Variants in DLG3 observed in about 807,000 individuals in gnomAD.
The protein encoded by DLG3 is discs large MAGUK scaffold protein 3, also known as disks large homolog 3.
DLG3 carries 1 observed loss-of-function variant against 64.1 expected under a neutral mutation model. The observed-to-expected ratio is 0.02, with a 90% CI of 0.01 to 0.07. The LOEUF (loss-of-function observed/expected upper bound fraction) is 0.07. Among genes scored for constraint, DLG3 ranks in the 10% least tolerant of loss-of-function variants. The pLI is 1.00. For missense variants in DLG3, 429 were observed against 669.5 expected (o/e 0.64, Z 3.96); for synonymous variants, 245 against 259.8 (o/e 0.94, Z 0.55).
intron 1 of DLG3, 163 bp from the exon 2 acceptor site, chrX:70,448,750 G>C (rs189712396): frequency 1.0e-6 from 1 of 955,041 alleles, no homozygotes; most frequent in African/African-American, 2.0e-5. Context: ...AGTGAGGAGC[G>C]GCCTCTTCCA....
At chrX:70,453,006 C>G (rs888128528) in intron 7 of DLG3, 1 of 307,009 alleles carries the variant, frequency 3.3e-6, no homozygotes, top group Non-Finnish European at 5.6e-6. Context: ...CTTGTCTGCT[C>G]TCTTCAGTTT....
chrX:70,459,680 T>C (rs759171153), intron 9 of DLG3, among the ~76,000 whole-genome samples: 2 of 112,348 alleles, frequency 1.8e-5, no homozygotes, highest in Non-Finnish European at 1.9e-5. Flanking sequence ...GTTTGTTGAA[T>C]TATTATCTCT....
Position 70,451,925 on chromosome X carries a change from G to A in DLG3, c.1044G>A (p.Gly348=). 1 of 1,211,248 alleles carries A rather than the reference G, an allele frequency of 8.3e-7. No individual in the cohort carries two copies. The highest frequency in any genetic ancestry group is 1.1e-6 in the Non-Finnish European group (1 of 895,317). Residue 348 remains glycine (G), a synonymous_variant, in exon 7 of 19, where the codon GGG becomes GGA. Transcript: ENST00000374360. ...ATAATTCCAGCCTGGGTTATCTCGG[G>A]GCTGTGGAGAGCAAGGTCAGCTACC... is the stretch of plus-strand genomic sequence containing the variant. ...ISHNSSLGYL[G]AVESKVSYPA... is the part of the protein sequence containing the mutation.
chrX:70,456,197 TG>T (rs1220807849), intron 9 of DLG3: 2 of 112,754 alleles, frequency 1.8e-5, no homozygotes, highest in Admixed American at 9.4e-5. Flanking sequence ...TTAGGGATAT[TG>T]TTTTTTTATG....
At chrX:70,455,646 C>T (rs2086693631) in intron 9 of DLG3, 1 of 111,482 alleles carries the variant, frequency 9.0e-6, no homozygotes, top group Admixed American at 9.5e-5. Context: ...TTCCCCTCCC[C>T]CGACACCCAT....
chrX:70,499,137 G>A (rs1299044626), intron 14 of DLG3, 39 bp from the exon 15 acceptor site: 1 of 1,032,926 alleles, frequency 9.7e-7, no homozygotes, highest in Non-Finnish European at 1.4e-6. Flanking sequence ...CTGTCTGGTG[G>A]GGGCCTCTGT....
chrX:70,492,260 C>G lies in DLG3; in HGVS notation c.1674C>G (p.Ile558Met), dbSNP rs759488099. ...LVTPHGESEQ[I>M]GVIPSKKRVE... ...CCCCACACGGAGAAAGTGAGCAGAT[C>G]GGTGTGATCCCCAGTAAGAAGAGGT... is the stretch of plus-strand genomic sequence containing the variant. The change falls in exon 11 of 19, where the codon ATC becomes ATG. Residue 558 changes from isoleucine (I) to methionine (M), a missense_variant. Around this residue, in one of 9 missense-constraint regions of DLG3, gnomAD observed 25 missense variants for 83.7 expected, o/e 0.30. Coordinates refer to ENST00000374360, the MANE Select transcript of DLG3 (RefSeq NM_021120.4). 3 of 1,211,410 alleles carry G rather than the reference C, an allele frequency of 2.5e-6. No individual in the cohort carries two copies. The highest frequency in any genetic ancestry group is 1.7e-5 in the African/African-American group (1 of 57,785).
chrX:70,478,766 GTC>G (rs1243424691), intron 9 of DLG3, among the ~76,000 whole-genome samples: 1 of 111,765 alleles, frequency 8.9e-6, no homozygotes, highest in African/African-American at 3.3e-5. Context: ...TTTTGGGAAA[GTC>G]TCCTTTCCCA....
At chrX:70,475,826 G>T (rs1387886715) in intron 9 of DLG3, among the ~76,000 whole-genome samples, 1 of 111,901 alleles carries the variant, frequency 8.9e-6, no homozygotes, top group East Asian at 2.8e-4. Context: ...TAAGACTGTG[G>T]CATCTTTAGG....
chrX:70,485,395 A>G (rs2087236540), intron 10 of DLG3, among the ~76,000 whole-genome samples: 1 of 112,199 alleles, frequency 8.9e-6, no homozygotes, highest in South Asian at 3.7e-4. Flanking sequence ...CAAATACAGT[A>G]TGGATTTAGA....
chrX:70,468,551 T>A (rs2086921279), intron 9 of DLG3, among the ~76,000 whole-genome samples: 1 of 111,619 alleles, frequency 9.0e-6, no homozygotes, highest in African/African-American at 3.3e-5. Context: ...TGGCTATGTG[T>A]GTGTATGGCC....
chrX:70,493,347 T>C lies in DLG3; in HGVS notation c.1773+751T>C, dbSNP rs768076240. 5 of 1,140,800 alleles carry C rather than the reference T, an allele frequency of 4.4e-6. No homozygotes were observed. In the Admixed American group the frequency reaches 6.6e-5, roughly 15 times the overall value. The allele number at this position is 1,140,800 out of a possible 1,213,427, so 94.0% of individuals were successfully genotyped here. On this transcript the variant is annotated intron_variant, in intron 12 of 18. Transcript: ENST00000374360. Reference sequence around the variant, plus strand: ...TTCTGTTTTTTTTTTTCTTCTGTCCTTCCCCTCCATCTTCATGTTCTTTCA... The same window carrying C: ...TTCTGTTTTTTTTTTTCTTCTGTCCCTCCCCTCCATCTTCATGTTCTTTCA...
Position 70,450,256 on chromosome X carries a change from G to T in DLG3, c.791G>T (p.Gly264Val), listed in dbSNP as rs2086604489. ...SIYITKIIEG[G>V]AAQKDGRLQI... is the part of the protein sequence containing the mutation. Reference sequence around the variant, plus strand: ...TACATCACCAAGATCATTGAGGGGGGTGCTGCTCAGAAGGATGGACGCCTA... The same window carrying T: ...TACATCACCAAGATCATTGAGGGGGTTGCTGCTCAGAAGGATGGACGCCTA... The change falls in exon 5 of 19, where the codon GGT (glycine) becomes GTT (valine). Residue 264 changes from glycine to valine, a missense_variant. Coordinates refer to ENST00000374360, the MANE Select transcript of DLG3 (RefSeq NM_021120.4). 2 of 1,202,463 alleles carry T rather than the reference G, an allele frequency of 1.7e-6. No individual in the cohort carries two copies. The highest frequency in any genetic ancestry group is 3.0e-5 in the East Asian group (1 of 33,395).
In DLG3 at chrX:70,455,294, C is replaced by T. The variant is rs780492832; in HGVS notation, c.1405+978C>T. 2.2e-4 allele frequency: 165 copies of T among 752,802 alleles called. 1 individual carries two copies. In the South Asian group the frequency reaches 0.01, roughly 46 times the overall value. 62.0% of individuals were successfully genotyped at this position (752,802 alleles called of 1,213,427 possible). On this transcript the variant is annotated intron_variant, in intron 9 of 18. Transcript: ENST00000374360. The stretch of plus-strand genomic sequence containing the variant: ...GTGGGGCGGACGGGGGTCAGGCCCC[C>T]TCGCAGTCCCCCCTAACCTCTCTAC...
intron 6 of DLG3, 91 bp from the exon 7 acceptor site, chrX:70,451,776 C>A: frequency 9.3e-7 from 1 of 1,077,987 alleles, no homozygotes; most frequent in Non-Finnish European, 1.3e-6. Context: ...TCTTTTGCAT[C>A]TGAAGTGGGG....
At chrX:70,499,048 A>G in intron 14 of DLG3, 128 bp from the exon 15 acceptor site, 1 of 498,254 alleles carries the variant, frequency 2.0e-6, no homozygotes, top group South Asian at 2.7e-5. Flanking sequence ...AAGCCAGACA[A>G]TGTCTGAGGA....
chrX:70,502,345 C>A lies in DLG3; in HGVS notation c.*76C>A. ...TCCCTCCTCCCTCTTCATTCCTGTC[C>A]CCATGGGGAGAACAAATGCTACTGT... On this transcript the variant is annotated 3_prime_UTR_variant, in exon 19 of 19. Transcript: ENST00000374360. The A allele has an allele frequency of 1.3e-6, 1 of 743,257 alleles. No individual in the cohort carries two copies. The highest frequency in any genetic ancestry group is 2.1e-6 in the Non-Finnish European group (1 of 481,892). 61.3% of individuals were successfully genotyped at this position (743,257 alleles called of 1,213,427 possible).
At chrX:70,464,952 G>C (rs2086863512) in intron 9 of DLG3, among the ~76,000 whole-genome samples, 1 of 111,897 alleles carries the variant, frequency 8.9e-6, no homozygotes, top group South Asian at 3.8e-4. Flanking sequence ...GAGATTTTAT[G>C]ATTTTTCTAC....
Position 70,449,749 on chromosome X carries a change from G to A in DLG3, c.593G>A (p.Arg198Gln), listed in dbSNP as rs748814438. Residue 198 changes from arginine to glutamine, a missense_variant, in exon 4 of 19, where the codon CGG becomes CAG. Around this residue, in one of 9 missense-constraint regions of DLG3, gnomAD observed 73 missense variants for 158.5 expected, o/e 0.46. Coordinates refer to ENST00000374360, the MANE Select transcript of DLG3 (RefSeq NM_021120.4). Reference protein sequence around the residue: ...EVDVSEVVHSRAVEALKEAGP... With the variant: ...EVDVSEVVHSQAVEALKEAGP... Reference sequence around the variant, plus strand: ...GACGTGTCGGAGGTGGTACACAGCCGGGCGGTGGAGGCGCTGAAGGAGGCA... The same window carrying A: ...GACGTGTCGGAGGTGGTACACAGCCAGGCGGTGGAGGCGCTGAAGGAGGCA... 1.2e-5 allele frequency: 15 copies of A among 1,208,779 alleles called. No homozygotes were observed. The highest frequency in any genetic ancestry group is 5.9e-5 in the East Asian group (2 of 33,712).
Sources: allele counts gnomAD v4.1 joint callset (sites outside exome capture counted in the v4.1 genomes callset), GRCh38; gene constraint gnomAD v4.1.1; regional missense constraint gnomAD v4.1.1; transcripts MANE v1.5; gene names NCBI Gene and HGNC (gene_info 2026-07-23, HGNC 2026-07-21).